The following PTPRD variants were observed in gnomAD, a reference collection of about 807,000 sequenced individuals.
PTPRD encodes the protein receptor-type tyrosine-protein phosphatase delta.
A neutral mutation model predicts 214.5 loss-of-function variants in PTPRD; 34 were observed. The ratio of observed to expected loss-of-function variants is 0.16; its 90% confidence interval spans 0.12 to 0.21. The LOEUF is 0.21. Ranked by LOEUF, PTPRD falls within the 10% of genes least tolerant of loss-of-function variation. The pLI is 1.00. For synonymous variants in PTPRD, 1,128 were observed against 845.7 expected (o/e 1.33, Z -5.79); for missense variants, 2,545 against 2,398.7 (o/e 1.06, Z -1.27).
intron 3 of PTPRD, among the ~76,000 whole-genome samples, chr9:10,141,375 C>T (rs1393983424): frequency 6.6e-6 from 1 of 152,126 alleles, no homozygotes; most frequent in African/African-American, 2.4e-5. Flanking sequence ...CCAAAATCTC[C>T]TTAAGCTGAT....
chr9:9,737,974 C>G (rs904223036), intron 6 of PTPRD, among the ~76,000 whole-genome samples: 4 of 152,092 alleles, frequency 2.6e-5, no homozygotes, highest in Non-Finnish European at 4.4e-5. Context: ...TTCTCCATAT[C>G]CTTGCCAACA....
chr9:9,554,481 T>C (rs1301055286), intron 8 of PTPRD, among the ~76,000 whole-genome samples: 3 of 151,890 alleles, frequency 2.0e-5, no homozygotes, highest in African/African-American at 7.3e-5. Context: ...TTGACATGGT[T>C]CGGGGGAGTG....
intron 11 of PTPRD, among the ~76,000 whole-genome samples, chr9:8,749,722 T>A (rs1160661358): frequency 6.6e-6 from 1 of 152,198 alleles, no homozygotes; most frequent in Non-Finnish European, 1.5e-5. Context: ...GCTTTAAAAA[T>A]GAATTCCTTC....
At chr9:10,505,619 G>T (rs1360895) in intron 2 of PTPRD, among the ~76,000 whole-genome samples, 1 of 151,538 alleles carries the variant, frequency 6.6e-6, no homozygotes, top group Non-Finnish European at 1.5e-5. Flanking sequence ...CATACCATGG[G>T]TTAAAGCAAG....
At chr9:9,472,317 C>A (rs1400767741) in intron 8 of PTPRD, among the ~76,000 whole-genome samples, 2 of 151,384 alleles carry the variant, frequency 1.3e-5, no homozygotes, top group Non-Finnish European at 2.9e-5. Flanking sequence ...CATTCTCCTG[C>A]CTCAGCCTCC....
chr9:9,093,889 A>G (rs2154433683), intron 10 of PTPRD, among the ~76,000 whole-genome samples: 1 of 152,136 alleles, frequency 6.6e-6, no homozygotes, highest in East Asian at 1.9e-4. Context: ...ACAGTTCTAT[A>G]AAAAGATCAG....
At chr9:9,195,243 G>A (rs1166315434) in intron 9 of PTPRD, among the ~76,000 whole-genome samples, 1 of 151,830 alleles carries the variant, frequency 6.6e-6, no homozygotes, top group Non-Finnish European at 1.5e-5. Flanking sequence ...TAACTTATGT[G>A]GAATCTCAAT....
At chr9:10,336,116 T>A (rs748100895) in intron 3 of PTPRD, among the ~76,000 whole-genome samples, 8 of 151,794 alleles carry the variant, frequency 5.3e-5, no homozygotes, top group Non-Finnish European at 7.4e-5. Context: ...TGAAAACTTA[T>A]GTTCACACAG....
chr9:9,253,819 G>A (rs562187273), intron 9 of PTPRD, among the ~76,000 whole-genome samples: 38 of 152,218 alleles, frequency 2.5e-4, no homozygotes, highest in African/African-American at 9.1e-4. Flanking sequence ...AGTTAAAACA[G>A]CAGAAGTTTA....
chr9:10,086,234 T>C (rs541034195), intron 3 of PTPRD, among the ~76,000 whole-genome samples: 2 of 151,940 alleles, frequency 1.3e-5, no homozygotes, highest in East Asian at 2.0e-4. Flanking sequence ...TGTAGACTTA[T>C]TTGCAATTTT....
chr9:10,005,551 G>A (rs1014044854), intron 4 of PTPRD, among the ~76,000 whole-genome samples: 1 of 152,090 alleles, frequency 6.6e-6, no homozygotes, highest in African/African-American at 2.4e-5. Context: ...ATTTAAGAGT[G>A]TGTCTTTATC....
chr9:8,778,318 G>A (rs1167471500), intron 11 of PTPRD, among the ~76,000 whole-genome samples: 5 of 152,062 alleles, frequency 3.3e-5, no homozygotes, highest in Non-Finnish European at 7.4e-5. Flanking sequence ...TCATATTTTT[G>A]AGACACCAAA....
At chr9:9,182,766 T>C (rs375536079) in intron 10 of PTPRD, among the ~76,000 whole-genome samples, 3 of 152,010 alleles carry the variant, frequency 2.0e-5, no homozygotes, top group South Asian at 2.1e-4. Flanking sequence ...ACTGAATGCA[T>C]TAAATCATAA....
intron 2 of PTPRD, among the ~76,000 whole-genome samples, chr9:10,367,801 A>G (rs1055639430): frequency 6.6e-6 from 1 of 152,090 alleles, no homozygotes; most frequent in African/African-American, 2.4e-5. Context: ...TATCTACTCT[A>G]AATTCAGACA....
intron 10 of PTPRD, among the ~76,000 whole-genome samples, chr9:9,075,832 C>G (rs1304610267): frequency 6.6e-6 from 1 of 152,118 alleles, no homozygotes; most frequent in African/African-American, 2.4e-5. Context: ...TGGCTTCTTT[C>G]CAAGTCTTTG....
chr9:8,485,373 G>T (rs563235160), intron 28 of PTPRD, 49 bp from the exon 29 acceptor site: 5 of 1,338,718 alleles, frequency 3.7e-6, no homozygotes, highest in Admixed American at 1.7e-5. Context: ...TAAAACAGAT[G>T]ACCTGTCCTT....
At chr9:9,350,756 A>G (rs1445548631) in intron 9 of PTPRD, among the ~76,000 whole-genome samples, 1 of 152,086 alleles carries the variant, frequency 6.6e-6, no homozygotes, top group African/African-American at 2.4e-5. Flanking sequence ...AACTTCAAAC[A>G]AAACACTATA....
chr9:9,749,132 G>C (rs955290088), intron 6 of PTPRD, among the ~76,000 whole-genome samples: 3 of 152,050 alleles, frequency 2.0e-5, no homozygotes, highest in African/African-American at 7.2e-5. Context: ...AGAAGACCCT[G>C]AGCACATCCA....
intron 11 of PTPRD, among the ~76,000 whole-genome samples, chr9:8,874,117 A>G (rs1421701172): frequency 6.6e-6 from 1 of 152,198 alleles, no homozygotes; most frequent in Non-Finnish European, 1.5e-5. Flanking sequence ...CATTGTCCCT[A>G]TATGTGAATG....
Sources: gnomAD v4.1 joint callset for allele counts (sites outside exome capture counted in the v4.1 genomes callset) on GRCh38, gnomAD v4.1.1 for gene constraint, MANE v1.5 for transcripts, NCBI Gene and HGNC (gene_info 2026-07-23, HGNC 2026-07-21) for gene names.